EPB41L2: variants seen among roughly 807,000 people sequenced by gnomAD.
EPB41L2 encodes erythrocyte membrane protein band 4.1 like 2.
Under a neutral mutation model 113.0 loss-of-function variants are expected in EPB41L2, and 43 were observed. The ratio of observed to expected loss-of-function variants is 0.38; its 90% CI spans 0.30 to 0.49. The LOEUF (loss-of-function observed/expected upper bound fraction) is 0.49. EPB41L2 is among the 20% of genes least tolerant of loss of function. The pLI is 0.95. For missense variants in EPB41L2, 1,147 were observed against 1,223.4 expected, an observed-to-expected ratio of 0.94 and a Z score of 0.93; for synonymous variants, 442 against 436.7, an observed-to-expected ratio of 1.01 and a Z score of -0.15.
intron 1 of EPB41L2, among the ~76,000 whole-genome samples, chr6:131,028,232 A>T (rs890304126): frequency 1.3e-5 from 2 of 152,230 alleles, no homozygotes; most frequent in South Asian, 4.1e-4. Flanking sequence ...TAGGCCACTT[A>T]GAAGAGTATA....
At position 130,894,954 on chromosome 6, in the gene EPB41L2, T is replaced by C. The variant is rs1794159307; in HGVS notation, c.1389+13A>G. 1 of 1,609,280 alleles carries C rather than the reference T, an allele frequency of 6.2e-7. No individual in the cohort carries two copies. Among genetic ancestry groups the C allele is most frequent in the Non-Finnish European group, 8.5e-7 (1 of 1,177,094 alleles). On this transcript the variant is annotated intron_variant, in intron 9 of 19. Transcript: ENST00000337057. ...CCGACTAACAACAACTGATTAGAAA[T>C]GTCTTGGCTTACCTCTGCCGGTCTG...
At chr6:131,012,076 G>A (rs373463118) in intron 1 of EPB41L2, among the ~76,000 whole-genome samples, 6 of 152,022 alleles carry the variant, frequency 3.9e-5, no homozygotes, top group East Asian at 1.9e-4. Flanking sequence ...GTGGTGGCAC[G>A]CACCTGTAGT....
chr6:130,859,212 C>CA (rs1350898964), intron 18 of EPB41L2, among the ~76,000 whole-genome samples: 2 of 152,262 alleles, frequency 1.3e-5, no homozygotes, highest in East Asian at 3.9e-4. Flanking sequence ...CATCAGAGAA[C>CA]CCTTGAAGTC....
chr6:130,893,078 A>G (rs750049965), intron 10 of EPB41L2, among the ~76,000 whole-genome samples: 1 of 152,238 alleles, frequency 6.6e-6, no homozygotes, highest in Non-Finnish European at 1.5e-5. Context: ...TCCTTGAAGA[A>G]AAGTATAAAA....
intron 14 of EPB41L2, among the ~76,000 whole-genome samples, chr6:130,875,411 C>A (rs1417060044): frequency 6.6e-6 from 1 of 152,102 alleles, no homozygotes; most frequent in Admixed American, 6.6e-5. Flanking sequence ...CCTTTAAGAT[C>A]GTGACATGAC....
In EPB41L2 at chr6:130,890,382, C is replaced by T. The variant is rs935303283; in HGVS notation, c.1572G>A (p.Gln524=). Residue 524 remains glutamine, a synonymous_variant, in exon 11 of 20, where the codon CAG becomes CAA. Transcript: ENST00000337057. ...KFRYSGRTQA[Q]TRQASTLIDR... The stretch of plus-strand genomic sequence containing the variant: ...CTATGAGGGTGCTGGCCTGGCGGGT[C>T]TGTGCTTGGGTGCGGCCACTATAGC... The T allele has an allele frequency of 1.2e-6, 2 of 1,612,356 alleles. No individual in the cohort carries two copies. The highest frequency in any genetic ancestry group is 1.7e-5 in the Admixed American group (1 of 59,754).
Position 130,876,344 on chromosome 6 carries a change from A to G in EPB41L2, c.2043+1760T>C, listed in dbSNP as rs1031930684. Among the ~76,000 whole-genome samples, 4 of 152,254 alleles carry G rather than the reference A, an allele frequency of 2.6e-5. No individual in the cohort carries two copies. In the South Asian group the frequency reaches 6.2e-4, roughly 24 times the overall value. ...TGGTTATTTTAACAACACGACATGC[A>G]TAAGTATTGTACAAACAGTGCACTT... On this transcript the variant is annotated intron_variant, in intron 14 of 19. Coordinates refer to ENST00000337057, the MANE Select transcript of EPB41L2 (RefSeq NM_001431.4).
intron 3 of EPB41L2, among the ~76,000 whole-genome samples, chr6:130,929,902 C>CACACACACAT (rs1307195800): frequency 2.0e-5 from 3 of 148,416 alleles, no homozygotes; most frequent in African/African-American, 5.0e-5. Flanking sequence ...CACACATACA[C>CACACACACAT]GCACAGTCAT....
chr6:130,973,335 T>G (rs963403502), intron 1 of EPB41L2, among the ~76,000 whole-genome samples: 23 of 152,110 alleles, frequency 1.5e-4, no homozygotes, highest in African/African-American at 5.3e-4. Context: ...CATAAAGTTT[T>G]CATTGGTTCA....
At chr6:130,857,165 T>C (rs957330000) in intron 19 of EPB41L2, among the ~76,000 whole-genome samples, 1 of 152,214 alleles carries the variant, frequency 6.6e-6, no homozygotes, top group African/African-American at 2.4e-5. Context: ...TACAGCAGTA[T>C]ATATTTCCTG....
intron 18 of EPB41L2, among the ~76,000 whole-genome samples, chr6:130,862,777 C>A (rs920179585): frequency 1.3e-5 from 2 of 152,170 alleles, no homozygotes; most frequent in African/African-American, 4.8e-5. Context: ...ATATAGGCTG[C>A]CTTTCTCAAA....
intron 19 of EPB41L2, among the ~76,000 whole-genome samples, chr6:130,848,552 C>T (rs1463725672): frequency 1.3e-5 from 2 of 152,094 alleles, no homozygotes; most frequent in African/African-American, 4.8e-5. Flanking sequence ...CAACATATCT[C>T]AATTTGAACT....
At position 130,869,787 on chromosome 6, in the gene EPB41L2, G is replaced by A; in HGVS notation, c.2383C>T (p.Pro795Ser). 1 of 1,613,988 alleles carries A rather than the reference G, an allele frequency of 6.2e-7. No homozygotes were observed. The highest frequency in any genetic ancestry group is 8.5e-7 in the Non-Finnish European group (1 of 1,180,000). The change falls in exon 15 of 20, where the codon CCC becomes TCC. Residue 795 changes from proline to serine, a missense_variant. Physicochemically the swap from Pro to Ser is moderately conservative, Grantham distance 74. Transcript: ENST00000337057. The part of the protein sequence containing the change: ...AKVVEREEAV[P>S]EASPVTQAGA... ...GCTTGTGTGACTGGGCTGGCTTCGG[G>A]CACTGCTTCCTCCCTCTCTACTACC...
chr6:130,905,604 A>T (rs1232985949), intron 5 of EPB41L2, among the ~76,000 whole-genome samples: 2 of 151,924 alleles, frequency 1.3e-5, no homozygotes, highest in Non-Finnish European at 2.9e-5. Context: ...TTACTCTTTC[A>T]GAGACGGGGT....
intron 1 of EPB41L2, among the ~76,000 whole-genome samples, chr6:130,993,549 T>G (rs1027448772): frequency 1.3e-5 from 2 of 152,186 alleles, no homozygotes; most frequent in Non-Finnish European, 2.9e-5. Context: ...TTTTATAGTC[T>G]GCTGTAAACA....
At chr6:130,967,859 T>C (rs745689937) in intron 1 of EPB41L2, among the ~76,000 whole-genome samples, 7 of 152,160 alleles carry the variant, frequency 4.6e-5, no homozygotes, top group Non-Finnish European at 8.8e-5. Flanking sequence ...TCCTAGTATT[T>C]AGGGAACATT....
rs956854839 is a variant in EPB41L2 at position 130,865,452 on chromosome 6, G to A, written c.2829+84C>T. The A allele has an allele frequency of 3.0e-6, 4 of 1,323,048 alleles. No homozygotes were observed. In the African/African-American group the frequency reaches 5.8e-5, roughly 19 times the overall value. The allele number at this position is 1,323,048 out of a possible 1,614,324, so 82.0% of individuals were successfully genotyped here. A position where few individuals can be genotyped will look rare whatever the true frequency, so the allele number is the denominator to read the frequency against. ...CACTGTCTGTATCTTACTTGGAAGTGTGTACAGGAAGAGAGAAACAATTCA... is the reference window on the plus strand; with the variant it reads ...CACTGTCTGTATCTTACTTGGAAGTATGTACAGGAAGAGAGAAACAATTCA... On this transcript the variant is annotated intron_variant, in intron 17 of 19. Coordinates refer to ENST00000337057, the MANE Select transcript of EPB41L2 (RefSeq NM_001431.4).
chr6:130,850,743 A>T (rs1778554697), intron 19 of EPB41L2, among the ~76,000 whole-genome samples: 1 of 152,212 alleles, frequency 6.6e-6, no homozygotes, highest in Non-Finnish European at 1.5e-5. Context: ...ATTTGAAAAA[A>T]TAATAGTCAG....
intron 1 of EPB41L2, among the ~76,000 whole-genome samples, chr6:130,964,799 G>T (rs1395968235): frequency 6.6e-6 from 1 of 152,112 alleles, no homozygotes; most frequent in Non-Finnish European, 1.5e-5. Context: ...GGAAGGAACT[G>T]AAATTATTCT....
Sources: allele counts gnomAD v4.1 joint callset (sites outside exome capture counted in the v4.1 genomes callset), GRCh38; gene constraint gnomAD v4.1.1; transcripts MANE v1.5; gene names NCBI Gene and HGNC (gene_info 2026-07-23, HGNC 2026-07-21).